SLC25A24: variants seen among roughly 807,000 people sequenced by gnomAD.
The protein encoded by SLC25A24 is solute carrier family 25 member 24.
Under a neutral mutation model 60.7 loss-of-function variants are expected in SLC25A24, and 49 were observed. The observed-to-expected ratio is 0.81, with a 90% CI of 0.64 to 1.02. SLC25A24 has a LOEUF of 1.02. SLC25A24 is among the 50% of genes least tolerant of loss of function. The pLI, the probability that SLC25A24 is intolerant of heterozygous loss-of-function variation, is 0.00. For missense variants in SLC25A24, 564 were observed against 586.3 expected (o/e 0.96, Z 0.39); for synonymous variants, 202 against 200.6 (o/e 1.01, Z -0.06).
Position 108,151,337 on chromosome 1 carries a change from T to C in SLC25A24, c.823-2951A>G, listed in dbSNP as rs1016576526. On this transcript the variant is annotated intron_variant, in intron 6 of 9. Transcript: ENST00000565488. Reference sequence around the variant, plus strand: ...TTCACTGTCAAACTCCCTAAAAATGTGTCTCTACTGTCCAAGTTTCTTCAC... The same window carrying C: ...TTCACTGTCAAACTCCCTAAAAATGCGTCTCTACTGTCCAAGTTTCTTCAC... Among the ~76,000 whole-genome samples the C allele has an allele frequency of 3.3e-5, 5 of 152,200 alleles. No individual in the cohort carries two copies. The East Asian group carries it at 9.6e-4, about 29-fold the overall frequency.
At chr1:108,174,383 C>G (rs1319970975) in intron 3 of SLC25A24, among the ~76,000 whole-genome samples, 2 of 152,196 alleles carry the variant, frequency 1.3e-5, no homozygotes, top group African/African-American at 4.8e-5. Flanking sequence ...TCTGCGGGCA[C>G]ACAGAAGATA....
rs552588426 is a variant in SLC25A24 at position 108,172,619 on chromosome 1, T to C, written c.398+9322A>G. 2.0e-5 allele frequency among the ~76,000 whole-genome samples: 3 copies of C among 152,332 alleles called. No individual in the cohort carries two copies. In the South Asian group the frequency reaches 6.2e-4, roughly 32 times the overall value. ...GAAGGATCCACTCTCGTGACCCAAG[T>C]AGTCCCTACTTCCAACACTGGAGGT... On this transcript the variant is annotated intron_variant, in intron 3 of 9. Coordinates refer to ENST00000565488, the MANE Select transcript of SLC25A24 (RefSeq NM_013386.5).
At chr1:108,145,218 T>C (rs1490158339) in intron 7 of SLC25A24, among the ~76,000 whole-genome samples, 1 of 152,232 alleles carries the variant, frequency 6.6e-6, no homozygotes, top group Non-Finnish European at 1.5e-5. Context: ...AATGTCTTCT[T>C]ATGAGAAGTG....
intron 4 of SLC25A24, among the ~76,000 whole-genome samples, chr1:108,159,464 GTT>G (rs60246776): frequency 0.013 from 1,753 of 131,030 alleles, 40 homozygotes; most frequent in East Asian, 0.064. Context: ...GTCTTGGGTT[GTT>G]TTTTTTTTTT....
chr1:108,183,463 C>T (rs1275557150), intron 2 of SLC25A24, among the ~76,000 whole-genome samples: 1 of 152,134 alleles, frequency 6.6e-6, no homozygotes, highest in Non-Finnish European at 1.5e-5. Context: ...AACCATTGTT[C>T]CTACAGGAAA....
chr1:108,158,302 T>C (rs1558013604), intron 4 of SLC25A24, among the ~76,000 whole-genome samples: 2 of 152,198 alleles, frequency 1.3e-5, no homozygotes, highest in Admixed American at 6.5e-5. Flanking sequence ...TCTATAATAA[T>C]ATTTTTACAA....
intron 9 of SLC25A24, among the ~76,000 whole-genome samples, chr1:108,137,805 T>C (rs1357788167): frequency 6.6e-6 from 1 of 152,182 alleles, no homozygotes; most frequent in Non-Finnish European, 1.5e-5. Flanking sequence ...CAGTTGCTCA[T>C]CTGAAAAATG....
Position 108,143,669 on chromosome 1 carries a change from G to T in SLC25A24, c.972C>A (p.Tyr324Ter), listed in dbSNP as rs187699990. ...TRLAVGKTGQ[Y>*]SGIYDCAKKI... ...TCTTGGCACAATCATATATTCCAGAGTACTGCCCAGTTTTGCCTACAGCCA... is the reference window on the plus strand; with the variant it reads ...TCTTGGCACAATCATATATTCCAGATTACTGCCCAGTTTTGCCTACAGCCA... The change falls in exon 8 of 10, where the codon TAC becomes TAA. Residue 324 changes from tyrosine (Y) to a stop codon, truncating the protein, a stop_gained. Transcript: ENST00000565488. LOFTEE classifies it high-confidence loss of function. 1.9e-5 allele frequency: 30 copies of T among 1,613,228 alleles called. No homozygotes were observed. In the African/African-American group the frequency reaches 3.9e-4, roughly 21 times the overall value.
At chr1:108,166,726 G>C (rs1432982680) in intron 3 of SLC25A24, among the ~76,000 whole-genome samples, 3 of 152,042 alleles carry the variant, frequency 2.0e-5, no homozygotes, top group Non-Finnish European at 4.4e-5. Context: ...CAACTTCTTT[G>C]CCTTTGGTTT....
rs1679246088 is a variant in SLC25A24, at chr1:108,135,041, A to C, written c.*1612T>G. 1 of 152,252 alleles carries C rather than the reference A, an allele frequency of 6.6e-6. No individual in the cohort carries two copies. The highest frequency in any genetic ancestry group is 2.1e-4 in the South Asian group (1 of 4,832). 9.4% of individuals were successfully genotyped at this position (152,252 alleles called of 1,614,324 possible). On this transcript the variant is annotated 3_prime_UTR_variant, in exon 10 of 10. Coordinates refer to ENST00000565488, the MANE Select transcript of SLC25A24 (RefSeq NM_013386.5). Reference sequence around the variant, plus strand: ...ATTTTCCAGAAGTTTGAAATTTCAAAGTTGTTAGCAAAATTATTCATTTCC... The same window carrying C: ...ATTTTCCAGAAGTTTGAAATTTCAACGTTGTTAGCAAAATTATTCATTTCC...
intron 5 of SLC25A24, among the ~76,000 whole-genome samples, chr1:108,155,650 G>A (rs910430014): frequency 2.0e-5 from 3 of 152,018 alleles, no homozygotes; most frequent in Non-Finnish European, 2.9e-5. Context: ...TGGATATTGT[G>A]TATATCAGGG....
intron 3 of SLC25A24, among the ~76,000 whole-genome samples, chr1:108,176,497 G>C (rs925501564): frequency 4.6e-5 from 7 of 152,130 alleles, no homozygotes; most frequent in Non-Finnish European, 1.0e-4. Context: ...CCTGGAGAAA[G>C]AGGTAAATAT....
intron 3 of SLC25A24, among the ~76,000 whole-genome samples, chr1:108,170,916 A>T (rs1647438664): frequency 1.3e-5 from 2 of 152,098 alleles, no homozygotes; most frequent in Non-Finnish European, 2.9e-5. Flanking sequence ...TCAAACCCCC[A>T]GGGAAACAGG....
chr1:108,178,130 C>A (rs1354748497), intron 3 of SLC25A24, among the ~76,000 whole-genome samples: 4 of 152,022 alleles, frequency 2.6e-5, no homozygotes, highest in African/African-American at 9.7e-5. Flanking sequence ...CCACTGCACT[C>A]CAGCCTGGTG....
intron 3 of SLC25A24, among the ~76,000 whole-genome samples, chr1:108,166,321 C>T (rs560983947): frequency 6.6e-5 from 10 of 151,542 alleles, no homozygotes; most frequent in South Asian, 4.2e-4. Context: ...TCTGTATTTC[C>T]TGAATCTGAA....
chr1:108,187,499 T>A (rs1648173063), intron 1 of SLC25A24, among the ~76,000 whole-genome samples: 1 of 152,128 alleles, frequency 6.6e-6, no homozygotes, highest in African/African-American at 2.4e-5. Flanking sequence ...CTATAGACAT[T>A]AATGATATTA....
chr1:108,160,406 A>G (rs1408022700), intron 4 of SLC25A24, among the ~76,000 whole-genome samples: 1 of 150,038 alleles, frequency 6.7e-6, no homozygotes, highest in East Asian at 2.0e-4. Context: ...GCGGCCGGGC[A>G]GAGACGCTCA....
rs564439107 is a variant in SLC25A24 at position 108,174,627 on chromosome 1, C to T, written c.398+7314G>A. ...CCAGTACCCAGAATAGTAGATCCAC[C>T]GACAGCTTGCACCATGCACCTGGAA... On this transcript the variant is annotated intron_variant, in intron 3 of 9. Transcript: ENST00000565488. Among the ~76,000 whole-genome samples the T allele has an allele frequency of 1.1e-4, 16 of 152,218 alleles. No homozygotes were observed. The East Asian group carries it at 1.9e-3, about 18-fold the overall frequency.
In SLC25A24 at chr1:108,199,786, G is replaced by A. The variant is rs1168812035; in HGVS notation, c.183+170C>T. On this transcript the variant is annotated intron_variant, in intron 1 of 9. Transcript: ENST00000565488. ...ATGACCCACTTCTGTTACCGGGGTC[G>A]CCGGTCGCGGCCCCACGCCCGAGTT... 6.7e-6 allele frequency: 4 copies of A among 601,392 alleles called. No individual in the cohort carries two copies. The Admixed American group carries it at 9.0e-5, about 14-fold the overall frequency. 37.3% of individuals were successfully genotyped at this position (601,392 alleles called of 1,614,324 possible).
Sources: allele counts gnomAD v4.1 joint callset (sites outside exome capture counted in the v4.1 genomes callset), GRCh38; gene constraint gnomAD v4.1.1; transcripts MANE v1.5; gene names NCBI Gene and HGNC (gene_info 2026-07-23, HGNC 2026-07-21).